The following HMCN2 variants were observed in gnomAD, a reference collection of about 807,000 sequenced individuals.
HMCN2 encodes hemicentin 2.
HMCN2 carries 325 observed loss-of-function variants against 377.5 expected under a neutral mutation model. That is an observed-to-expected ratio of 0.86 (90% CI 0.79 to 0.94). The LOEUF (loss-of-function observed/expected upper bound fraction) is 0.94. Among genes scored for constraint, HMCN2 ranks in the 40% least tolerant of loss-of-function variants. The probability of loss-of-function intolerance (pLI) is 0.00; values close to 1 mark genes in which losing one functional copy is unlikely to be tolerated. For synonymous variants in HMCN2, 2,007 were observed against 2,046.8 expected (o/e 0.98, Z 0.53); for missense variants, 4,543 against 4,725.3 (o/e 0.96, Z 1.13).
Position 130,394,722 on chromosome 9 carries a change from T to C in HMCN2, c.10692+147T>C. On this transcript the variant is annotated intron_variant, in intron 69 of 97. Coordinates refer to ENST00000683500, the MANE Select transcript of HMCN2 (RefSeq NM_001291815.2). This position sits in a 1 kb window ranked among gnomAD's most constrained non-coding sequence, Gnocchi z 5.1. ...GTGAGGGTGTGGAGGTGACCCACCT[T>C]GGCCGTGCCCTTGGGAGCTGCCAGC... 1 of 651,976 alleles carries C rather than the reference T, an allele frequency of 1.5e-6. No homozygotes were observed. Among genetic ancestry groups the C allele is most frequent in the South Asian group, 1.8e-5 (1 of 54,320 alleles). The allele number at this position is 651,976 out of a possible 1,614,324, so 40.4% of individuals were successfully genotyped here.
At chr9:130,334,619 AG>A (rs1233776834) in intron 22 of HMCN2, among the ~76,000 whole-genome samples, 1 of 132,146 alleles carries the variant, frequency 7.6e-6, no homozygotes, top group African/African-American at 2.8e-5. Context: ...AGAGGGGAGT[AG>A]GGATTCTATG....
At chr9:130,408,087 T>A (rs1012584910) in intron 83 of HMCN2, among the ~76,000 whole-genome samples, 4 of 152,152 alleles carry the variant, frequency 2.6e-5, no homozygotes, top group African/African-American at 9.7e-5. Flanking sequence ...CAGCCAGTTG[T>A]CCCCTATGAC....
chr9:130,385,858 A>G (rs2131651815), intron 60 of HMCN2, 96 bp downstream of exon 60: 1 of 828,542 alleles, frequency 1.2e-6, no homozygotes, highest in East Asian at 6.4e-5. Context: ...GCAGGATGTG[A>G]GTTGCTGCCT....
chr9:130,376,955 G>A (rs948639505), intron 52 of HMCN2, among the ~76,000 whole-genome samples: 1 of 151,362 alleles, frequency 6.6e-6, no homozygotes, highest in African/African-American at 2.4e-5. Context: ...CCGCCACCAT[G>A]CCCAGCTAAT....
At chr9:130,343,162 G>A (rs1382873358) in intron 25 of HMCN2, among the ~76,000 whole-genome samples, 3 of 152,230 alleles carry the variant, frequency 2.0e-5, no homozygotes, top group East Asian at 1.9e-4. Context: ...TGAACCCCAC[G>A]GCCCCACCCA....
At chr9:130,432,963 T>C (rs1844851026) in intron 97 of HMCN2, 1 of 346,138 alleles carries the variant, frequency 2.9e-6, no homozygotes, top group African/African-American at 2.1e-5. Context: ...TAGGCTGGGG[T>C]TGGAAGCAGA....
intron 25 of HMCN2, among the ~76,000 whole-genome samples, chr9:130,343,276 C>T (rs1186134808): frequency 6.6e-6 from 1 of 152,222 alleles, no homozygotes; most frequent in African/African-American, 2.4e-5. Context: ...CTGAGGTTCT[C>T]TGGAGGGTGC....
chr9:130,410,726 G>A, intron 85 of HMCN2, 74 bp downstream of exon 85: 1 of 1,261,278 alleles, frequency 7.9e-7, no homozygotes, highest in Non-Finnish European at 1.1e-6. Flanking sequence ...GCAGCCTAGA[G>A]GGCAGACGGC....
chr9:130,392,021 C>A lies in HMCN2; in HGVS notation c.10039C>A (p.Arg3347=). 3 of 988,340 alleles carry A rather than the reference C, an allele frequency of 3.0e-6. No homozygotes were observed. The South Asian group carries it at 1.4e-4, about 46-fold the overall frequency. 61.2% of individuals were successfully genotyped at this position (988,340 alleles called of 1,614,324 possible). The change falls in exon 66 of 98, where the codon CGG becomes AGG. Residue 3347 remains arginine (R), a synonymous_variant. Coordinates refer to ENST00000683500, the MANE Select transcript of HMCN2 (RefSeq NM_001291815.2). ...GCTGGTGACCATGGTGTGCCCTGTG[C>A]GGGGCTCCCCGCCCATCCACGTGAG... is the stretch of plus-strand genomic sequence containing the variant. ...GELVTMVCPV[R]GSPPIHVSWL...
chr9:130,316,881 G>A (rs1837590394), intron 15 of HMCN2, among the ~76,000 whole-genome samples: 1 of 152,160 alleles, frequency 6.6e-6, no homozygotes, highest in African/African-American at 2.4e-5. Flanking sequence ...CAGGACGTGG[G>A]GCCTCAGCCT....
chr9:130,429,532 C>G, intron 93 of HMCN2, 25 bp from the exon 94 acceptor site: 1 of 1,550,068 alleles, frequency 6.5e-7, no homozygotes, highest in Non-Finnish European at 8.7e-7. Context: ...ACCTCCCCAC[C>G]ACCGACCATG....
At chr9:130,370,821 G>C (rs886390220) in intron 45 of HMCN2, 143 bp from the exon 46 acceptor site, 7 of 380,762 alleles carry the variant, frequency 1.8e-5, no homozygotes, top group Admixed American at 1.3e-4. Flanking sequence ...CACTTTAGGG[G>C]GAGCAGCTCT....
Position 130,392,912 on chromosome 9 carries a change from C to A in HMCN2, c.10137-300C>A, listed in dbSNP as rs374848523. Reference sequence around the variant, plus strand: ...TCGGGAGGCTGAGGCAGGAGAATGGCGTGAACCCGGGAGGCGGAGCTTGCA... The same window carrying A: ...TCGGGAGGCTGAGGCAGGAGAATGGAGTGAACCCGGGAGGCGGAGCTTGCA... On this transcript the variant is annotated intron_variant, in intron 66 of 97. Coordinates refer to ENST00000683500, the MANE Select transcript of HMCN2 (RefSeq NM_001291815.2). Among the ~76,000 whole-genome samples the A allele has an allele frequency of 2.0e-4, 30 of 151,978 alleles. No homozygotes were observed. In the South Asian group the frequency reaches 4.2e-3, roughly 21 times the overall value.
At chr9:130,318,482 A>C (rs1006472011) in intron 15 of HMCN2, among the ~76,000 whole-genome samples, 2 of 152,164 alleles carry the variant, frequency 1.3e-5, no homozygotes, top group African/African-American at 2.4e-5. Context: ...GAGAGACAGG[A>C]TCTTGAGTTT....
intron 86 of HMCN2, 67 bp downstream of exon 86, chr9:130,419,108 G>C (rs1843848294): frequency 7.2e-7 from 1 of 1,379,416 alleles, no homozygotes; most frequent in Admixed American, 3.0e-5. Flanking sequence ...GGGATTGTGT[G>C]GTGCTTATGG....
At chr9:130,302,709 T>G in intron 8 of HMCN2, 148 bp from the exon 9 acceptor site, 1 of 284,912 alleles carries the variant, frequency 3.5e-6, no homozygotes, top group East Asian at 8.9e-5. Context: ...TTTGCAGAGG[T>G]GAAAACTGAG....
intron 4 of HMCN2, among the ~76,000 whole-genome samples, 194 bp downstream of exon 4, chr9:130,286,504 C>G (rs1025636224): frequency 1.3e-5 from 2 of 152,382 alleles, no homozygotes; most frequent in Middle Eastern, 3.4e-3. Context: ...GCCACCACAT[C>G]ATCTTATCTC....
intron 19 of HMCN2, among the ~76,000 whole-genome samples, chr9:130,324,774 G>A (rs1023808116): frequency 2.6e-5 from 4 of 151,790 alleles, no homozygotes; most frequent in African/African-American, 9.7e-5. Flanking sequence ...GCAGGCGCCC[G>A]CCACTGTACC....
At position 130,395,488 on chromosome 9, in the gene HMCN2, AC is replaced by A. The variant is rs1183209139; in HGVS notation, c.10911+147del. 10 of 663,626 alleles carry A rather than the reference AC, an allele frequency of 1.5e-5. No individual in the cohort carries two copies. The East Asian group carries it at 4.5e-4, about 30-fold the overall frequency. 41.1% of individuals were successfully genotyped at this position (663,626 alleles called of 1,614,324 possible). A position where few individuals can be genotyped will look rare whatever the true frequency, so the allele number is the denominator to read the frequency against. ...TTGCACCCTGTTCCCCGGGTGTCATACCCCCCGCCATTGTCATTGTCACTCC... is the reference window on the plus strand; with the variant it reads ...TTGCACCCTGTTCCCCGGGTGTCATACCCCCGCCATTGTCATTGTCACTCC... On this transcript the variant is annotated intron_variant, in intron 71 of 97. Coordinates refer to ENST00000683500, the MANE Select transcript of HMCN2 (RefSeq NM_001291815.2).
Sources: allele counts gnomAD v4.1 joint callset (sites outside exome capture counted in the v4.1 genomes callset), GRCh38; gene constraint gnomAD v4.1.1; non-coding constraint Gnocchi (gnomAD v3.1); transcripts MANE v1.5; gene names NCBI Gene and HGNC (gene_info 2026-07-23, HGNC 2026-07-21).